XKR9: variants seen among roughly 807,000 people sequenced by gnomAD.
The protein encoded by XKR9 is XK-related protein 9.
Under a neutral mutation model 32.0 loss-of-function variants are expected in XKR9, and 32 were observed. That is an observed-to-expected ratio of 1.00 (90% CI 0.76 to 1.34). The LOEUF (loss-of-function observed/expected upper bound fraction) is 1.34, where lower values mean the gene tolerates loss of function less well. Ranked by LOEUF, XKR9 falls within the 40% of genes most tolerant of loss-of-function variation. The probability of loss-of-function intolerance (pLI) is 0.00; values close to 1 mark genes in which losing one functional copy is unlikely to be tolerated. For missense variants in XKR9, 546 were observed against 429.7 expected, an observed-to-expected ratio of 1.27 and a Z score of -2.39; for synonymous variants, 168 against 143.4, an observed-to-expected ratio of 1.17 and a Z score of -1.22.
chr8:70,919,524 A>G, the XKR9 span, among the ~76,000 whole-genome samples: 1 of 152,200 alleles, frequency 6.6e-6, no homozygotes, highest in Non-Finnish European at 1.5e-5. Flanking sequence ...CCAGTAGGGT[A>G]TTGCTCTAGG....
At position 70,705,685 on chromosome 8, in the gene XKR9, G is replaced by T. The variant is rs148876876; in HGVS notation, c.273-1248G>T. On this transcript the variant is annotated intron_variant, in intron 3 of 4. Transcript: ENST00000408926. Reference sequence around the variant, plus strand: ...CCTTGTAACATATGATAAGGACTTCGGATTTCGTTCTAAGTTTGATGGAAA... The same window carrying T: ...CCTTGTAACATATGATAAGGACTTCTGATTTCGTTCTAAGTTTGATGGAAA... 2.0e-3 allele frequency among the ~76,000 whole-genome samples: 306 copies of T among 152,188 alleles called. 2 individuals carry two copies. The highest frequency in any genetic ancestry group is 7.2e-3 in the African/African-American group (298 of 41,526).
rs923654945 is a variant in XKR9 at position 70,669,424 on chromosome 8, A to C, written c.-475A>C. 2.7e-6 allele frequency: 1 copy of C among 367,364 alleles called. No homozygotes were observed. 22.8% of individuals were successfully genotyped at this position (367,364 alleles called of 1,614,324 possible). ...TGAGGTGGCGTGAGGCGAAGCTGGA[A>C]TCTGCCTCTGTCACGGGGGCTGGTG... On this transcript the variant is annotated 5_prime_UTR_variant, in exon 1 of 5. Transcript: ENST00000408926.
chr8:71,020,695 T>C, the XKR9 span, among the ~76,000 whole-genome samples: 1 of 152,226 alleles, frequency 6.6e-6, no homozygotes, highest in Non-Finnish European at 1.5e-5. Flanking sequence ...ATAATTGGAA[T>C]GTGTAATGAT....
At position 70,747,371 on chromosome 8, in the gene XKR9, C is replaced by G. The variant is rs367608673; in HGVS notation, n.352+40218C>G. Reference sequence around the variant, plus strand: ...GGGGATTGGGTCATGAATGCATTGCCTCATAAATGAATTTATCCATTCATA... The same window carrying G: ...GGGGATTGGGTCATGAATGCATTGCGTCATAAATGAATTTATCCATTCATA... On this transcript the variant is annotated intron_variant and non_coding_transcript_variant, in intron 2 of 3. Transcript: ENST00000520273. Among the ~76,000 whole-genome samples, 19 of 152,266 alleles carry G rather than the reference C, an allele frequency of 1.2e-4. 1 individual carries two copies. In the South Asian group the frequency reaches 2.9e-3, roughly 23 times the overall value.
At chr8:70,862,204 T>TA in the XKR9 span, among the ~76,000 whole-genome samples, 2 of 152,168 alleles carry the variant, frequency 1.3e-5, no homozygotes, top group Non-Finnish European at 2.9e-5. Context: ...ATCAGTCCAT[T>TA]AAAAAATTTT....
At chr8:70,949,985 C>T in the XKR9 span, among the ~76,000 whole-genome samples, 1 of 152,204 alleles carries the variant, frequency 6.6e-6, no homozygotes, top group Non-Finnish European at 1.5e-5. Context: ...TCTATGGCCT[C>T]CCAACATACT....
intron 3 of XKR9, among the ~76,000 whole-genome samples, chr8:70,700,027 G>C (rs1325711879): frequency 6.6e-6 from 1 of 152,144 alleles, no homozygotes; most frequent in East Asian, 1.9e-4. Context: ...TTGGCTTTCA[G>C]CTCCATCAGC....
At chr8:70,996,037 TAGGGGAAAAAA>T in the XKR9 span, among the ~76,000 whole-genome samples, 1 of 152,146 alleles carries the variant, frequency 6.6e-6, no homozygotes, top group African/African-American at 2.4e-5. Flanking sequence ...ACTTCTTGTG[TAGGGGAAAAAA>T]ACAAAATACT....
chr8:70,992,584 A>G, the XKR9 span, among the ~76,000 whole-genome samples: 2 of 152,208 alleles, frequency 1.3e-5, no homozygotes, highest in African/African-American at 4.8e-5. Flanking sequence ...GATTATACAC[A>G]TTAATATCTT....
the XKR9 span, among the ~76,000 whole-genome samples, chr8:70,998,790 G>A: frequency 3.3e-5 from 5 of 152,300 alleles, no homozygotes; most frequent in Admixed American, 3.3e-4. Flanking sequence ...CAACAGGACA[G>A]CTCCTCACTG....
At chr8:70,946,018 C>G in the XKR9 span, among the ~76,000 whole-genome samples, 2 of 152,198 alleles carry the variant, frequency 1.3e-5, no homozygotes, top group East Asian at 1.9e-4. Context: ...GCCTGTAGTC[C>G]CAGCTACTCG....
the XKR9 span, among the ~76,000 whole-genome samples, chr8:70,865,563 G>A: frequency 6.6e-6 from 1 of 151,820 alleles, no homozygotes; most frequent in Non-Finnish European, 1.5e-5. Flanking sequence ...TAATTATAAT[G>A]GTGTAAGTTG....
intron 2 of XKR9, among the ~76,000 whole-genome samples, chr8:70,776,500 G>T (rs1359610945): frequency 6.6e-6 from 1 of 152,014 alleles, no homozygotes; most frequent in Admixed American, 6.6e-5. Context: ...TAATACAGAT[G>T]CTATCAGGGT....
At chr8:70,956,853 G>GT in the XKR9 span, among the ~76,000 whole-genome samples, 2 of 152,188 alleles carry the variant, frequency 1.3e-5, no homozygotes, top group African/African-American at 4.8e-5. Flanking sequence ...AGCCTGCAGG[G>GT]TCAGGGGGCT....
chr8:70,678,503 C>CTT (rs1195912854), intron 2 of XKR9, among the ~76,000 whole-genome samples: 1 of 152,238 alleles, frequency 6.6e-6, no homozygotes, highest in Admixed American at 6.5e-5. Context: ...CCAGGAAAGC[C>CTT]TAAAACAGCA....
At chr8:70,768,944 G>A (rs1807415358) in intron 2 of XKR9, among the ~76,000 whole-genome samples, 1 of 152,098 alleles carries the variant, frequency 6.6e-6, no homozygotes, top group Admixed American at 6.5e-5. Flanking sequence ...GGTTAATATT[G>A]TTATGTGTGA....
the XKR9 span, among the ~76,000 whole-genome samples, chr8:70,811,617 C>T: frequency 2.7e-4 from 41 of 152,112 alleles, no homozygotes; most frequent in African/African-American, 4.8e-4. Flanking sequence ...ATATTACCAC[C>T]GATCCCACAG....
At chr8:71,005,067 A>C in the XKR9 span, among the ~76,000 whole-genome samples, 1 of 133,022 alleles carries the variant, frequency 7.5e-6, no homozygotes, top group Admixed American at 8.1e-5. Flanking sequence ...CTGGTCTTGA[A>C]CTGGCTTCCC....
intron 3 of XKR9, among the ~76,000 whole-genome samples, chr8:70,684,938 G>A (rs1258261878): frequency 3.3e-4 from 48 of 147,148 alleles, no homozygotes; most frequent in Non-Finnish European, 4.3e-4. Context: ...TCAGTGTGGC[G>A]ATTCCTCAGG....
Sources: gnomAD v4.1 joint callset for allele counts (sites outside exome capture counted in the v4.1 genomes callset) on GRCh38, gnomAD v4.1.1 for gene constraint, MANE v1.5 for transcripts, NCBI Gene and HGNC (gene_info 2026-07-23, HGNC 2026-07-21) for gene names.